The following DAP variants were observed in gnomAD, a reference collection of about 807,000 sequenced individuals.
DAP encodes death-associated protein 1.
In DAP, 8 loss-of-function variants were observed where a neutral mutation model predicts 13.8. The observed-to-expected ratio is 0.58, with a 90% CI of 0.34 to 1.05. DAP has a LOEUF of 1.05. Ranked by LOEUF, DAP falls within the 50% of genes least tolerant of loss-of-function variation. The probability of loss-of-function intolerance (pLI) is 0.03; values close to 1 mark genes in which losing one functional copy is unlikely to be tolerated. For missense variants in DAP, 106 were observed against 133.2 expected (o/e 0.80, Z 1.01); for synonymous variants, 47 against 47.5 (o/e 0.99, Z 0.04).
At chr5:10,747,346 TA>T (rs1739931315) in intron 2 of DAP, among the ~76,000 whole-genome samples, 1 of 152,026 alleles carries the variant, frequency 6.6e-6, no homozygotes, top group African/African-American at 2.4e-5. Context: ...TTAAGGAAAA[TA>T]GGTGTTGAGC....
At chr5:10,693,499 G>A (rs1311780330) in intron 2 of DAP, among the ~76,000 whole-genome samples, 1 of 152,224 alleles carries the variant, frequency 6.6e-6, no homozygotes, top group African/African-American at 2.4e-5. Flanking sequence ...CAGGTGCTGA[G>A]TTAGGCGCTC....
chr5:10,722,595 CAT>C (rs769043637), intron 2 of DAP, among the ~76,000 whole-genome samples: 3 of 142,852 alleles, frequency 2.1e-5, no homozygotes, highest in Admixed American at 7.0e-5. Context: ...TACATATATA[CAT>C]ATATATACAT....
At chr5:10,686,685 A>C (rs1187390073) in intron 2 of DAP, among the ~76,000 whole-genome samples, 1 of 152,234 alleles carries the variant, frequency 6.6e-6, no homozygotes, top group African/African-American at 2.4e-5. Context: ...GGAAACTAGC[A>C]GAGGTTGGTT....
intron 1 of DAP, among the ~76,000 whole-genome samples, chr5:10,757,885 T>C (rs1354204724): frequency 3.3e-5 from 5 of 151,616 alleles, no homozygotes; most frequent in African/African-American, 4.9e-5. Context: ...ACCCCGGGAA[T>C]AAAGAGATCA....
At chr5:10,725,229 C>T (rs1353764169) in intron 2 of DAP, among the ~76,000 whole-genome samples, 1 of 152,202 alleles carries the variant, frequency 6.6e-6, no homozygotes, top group Admixed American at 6.5e-5. Flanking sequence ...CTGGCTCCAG[C>T]TTCCTCTCGT....
At chr5:10,693,809 A>G (rs893411833) in intron 2 of DAP, among the ~76,000 whole-genome samples, 9 of 152,228 alleles carry the variant, frequency 5.9e-5, no homozygotes, top group African/African-American at 1.9e-4. Context: ...CAGACAGTAC[A>G]ATATATTCAA....
chr5:10,740,366 G>C (rs1739725942), intron 2 of DAP, among the ~76,000 whole-genome samples: 1 of 152,124 alleles, frequency 6.6e-6, no homozygotes, highest in East Asian at 1.9e-4. Context: ...AATGAAGCAA[G>C]GATATTTTTG....
chr5:10,732,532 T>G (rs1002943833), intron 2 of DAP, among the ~76,000 whole-genome samples: 1 of 152,258 alleles, frequency 6.6e-6, no homozygotes, highest in African/African-American at 2.4e-5. Flanking sequence ...CACTTCATTC[T>G]TTGTATGACT....
chr5:10,750,252 G>A (rs182445060), intron 1 of DAP, among the ~76,000 whole-genome samples: 37 of 152,254 alleles, frequency 2.4e-4, no homozygotes, highest in Admixed American at 5.2e-4. Context: ...GCTGATGAAC[G>A]GGAAGGAGAA....
chr5:10,719,696 G>A (rs1404293592), intron 2 of DAP, among the ~76,000 whole-genome samples: 2 of 152,196 alleles, frequency 1.3e-5, no homozygotes, highest in Admixed American at 6.5e-5. Flanking sequence ...ATGTGATTGG[G>A]CTTGAGCACG....
chr5:10,744,724 T>C (rs142521657), intron 2 of DAP, among the ~76,000 whole-genome samples: 42 of 152,344 alleles, frequency 2.8e-4, no homozygotes, highest in Non-Finnish European at 4.6e-4. Flanking sequence ...TTCGTCTCTA[T>C]AATGGACACA....
At chr5:10,753,640 G>C (rs1222699488) in intron 1 of DAP, among the ~76,000 whole-genome samples, 2 of 152,208 alleles carry the variant, frequency 1.3e-5, no homozygotes, top group African/African-American at 4.8e-5. Context: ...ATCTGCTAGT[G>C]CCAAATAGCA....
chr5:10,692,309 C>A (rs1052277229), intron 2 of DAP, among the ~76,000 whole-genome samples: 2 of 152,134 alleles, frequency 1.3e-5, no homozygotes, highest in African/African-American at 4.8e-5. Context: ...TGGTTTCTGC[C>A]CCAGTTCTGA....
Position 10,727,684 on chromosome 5 carries a change from T to C in DAP, c.152+20491A>G, listed in dbSNP as rs148737842. Among the ~76,000 whole-genome samples, 512 of 152,280 alleles carry C rather than the reference T, an allele frequency of 3.4e-3. 3 individuals carry two copies. The highest frequency in any genetic ancestry group is 0.012 in the African/African-American group (498 of 41,550). On this transcript the variant is annotated intron_variant, in intron 2 of 3. Coordinates refer to ENST00000230895, the MANE Select transcript of DAP (RefSeq NM_004394.3). ...CAGAGTTTGAGGGACGAAAATGGTG[T>C]GCTGTATGTAGGCAATCTGCTATGT...
intron 2 of DAP, among the ~76,000 whole-genome samples, chr5:10,735,182 T>C (rs1739577798): frequency 6.9e-6 from 1 of 145,736 alleles, no homozygotes; most frequent in Non-Finnish European, 1.5e-5. Flanking sequence ...TAAAAAAAAT[T>C]CCTGAAAAAA....
chr5:10,684,440 G>C (rs929420335), intron 2 of DAP, among the ~76,000 whole-genome samples: 22 of 152,246 alleles, frequency 1.4e-4, no homozygotes, highest in African/African-American at 5.1e-4. Context: ...GCCGAGTATT[G>C]AGGGAATGGA....
chr5:10,683,695 C>G (rs1738088696), intron 2 of DAP, 124 bp from the exon 3 acceptor site: 2 of 840,678 alleles, frequency 2.4e-6, no homozygotes, highest in Non-Finnish European at 4.0e-6. Context: ...GGAAGCAAAC[C>G]TCTCCTCTGC....
chr5:10,696,306 C>T (rs563677026), intron 2 of DAP, among the ~76,000 whole-genome samples: 11 of 152,298 alleles, frequency 7.2e-5, no homozygotes, highest in Non-Finnish European at 4.4e-5. Flanking sequence ...CCAGGCACCA[C>T]TTCCTGAAAG....
intron 2 of DAP, among the ~76,000 whole-genome samples, chr5:10,706,070 G>C (rs1738693112): frequency 6.6e-6 from 1 of 152,202 alleles, no homozygotes; most frequent in African/African-American, 2.4e-5. Flanking sequence ...GCACAACATG[G>C]AAAGCAGTAC....
Sources: allele counts gnomAD v4.1 joint callset (sites outside exome capture counted in the v4.1 genomes callset), GRCh38; gene constraint gnomAD v4.1.1; transcripts MANE v1.5; gene names NCBI Gene and HGNC (gene_info 2026-07-23, HGNC 2026-07-21).